Variants in TTYH1 observed in about 807,000 individuals in gnomAD.
The protein encoded by TTYH1 is protein tweety homolog 1.
TTYH1 carries 33 observed loss-of-function variants against 61.2 expected under a neutral mutation model. The observed-to-expected ratio is 0.54, with a 90% confidence interval of 0.41 to 0.72. The LOEUF is 0.72. TTYH1 is among the 30% of genes least tolerant of loss of function. The pLI, the probability that TTYH1 is intolerant of heterozygous loss-of-function variation, is 0.00. For synonymous variants in TTYH1, 308 were observed against 266.4 expected, an observed-to-expected ratio of 1.16 and a Z score of -1.52; for missense variants, 538 against 575.8, an observed-to-expected ratio of 0.93 and a Z score of 0.67.
chr19:54,416,898 G>T lies in TTYH1; in HGVS notation c.126+1220G>T. On this transcript the variant is annotated intron_variant, in intron 1 of 13. Transcript: ENST00000376530. This position sits in a 1 kb window ranked among gnomAD's most constrained non-coding sequence, Gnocchi z 7.0. Reference sequence around the variant, plus strand: ...GAGACCTCCCGAAGCCGCACGCGGGGATCCGCGGCCCCAGTCACCGCCAGA... The same window carrying T: ...GAGACCTCCCGAAGCCGCACGCGGGTATCCGCGGCCCCAGTCACCGCCAGA... 1 of 1,287,332 alleles carries T rather than the reference G, an allele frequency of 7.8e-7. No homozygotes were observed. Among genetic ancestry groups the T allele is most frequent in the Non-Finnish European group, 1.0e-6 (1 of 986,118 alleles). The allele number at this position is 1,287,332 out of a possible 1,614,324, so 79.7% of individuals were successfully genotyped here.
Position 54,416,093 on chromosome 19 carries a change from C to G in TTYH1, c.126+415C>G. 7.7e-7 allele frequency: 1 copy of G among 1,303,624 alleles called. No homozygotes were observed. The highest frequency in any genetic ancestry group is 1.0e-6 in the Non-Finnish European group (1 of 988,356). The allele number at this position is 1,303,624 out of a possible 1,614,324, so 80.8% of individuals were successfully genotyped here. On this transcript the variant is annotated intron_variant, in intron 1 of 13. Coordinates refer to ENST00000376530, the MANE Select transcript of TTYH1 (RefSeq NM_020659.4). The surrounding 1 kb of genome is among the most constrained non-coding windows in gnomAD (Gnocchi z 7.0). ...TGAATATGTCCCAGATAAGGTGGGA[C>G]CCAGGAGACAGCGGACCTGATAACG...
rs371318460 is a variant in TTYH1, at chr19:54,435,617, C to T, written c.1201C>T (p.Leu401=). Residue 401 remains leucine, a synonymous_variant, in exon 11 of 14, where the codon CTG becomes TTG. Transcript: ENST00000376530. ...GCTCTTCCTGCTACTCTTCTCCCTG[C>T]TGTCTGCAGGAGCGCTGGCCACTGC... ...GLLFLLLFSL[L]SAGALATALC... 8.1e-6 allele frequency: 13 copies of T among 1,611,990 alleles called. No individual in the cohort carries two copies. The African/African-American group carries it at 1.2e-4, about 15-fold the overall frequency.
chr19:54,426,128 C>T (rs184299282), intron 4 of TTYH1, among the ~76,000 whole-genome samples: 8 of 152,288 alleles, frequency 5.3e-5, no homozygotes, highest in East Asian at 3.9e-4. Flanking sequence ...GCAGCCCACT[C>T]GAGGCAATAT....
Position 54,429,534 on chromosome 19 carries a change from G to A in TTYH1, c.807+155G>A, listed in dbSNP as rs1248005720. Among the ~76,000 whole-genome samples the A allele has an allele frequency of 1.3e-5, 2 of 152,066 alleles. No individual in the cohort carries two copies. Among genetic ancestry groups the A allele is most frequent in the Admixed American group, 1.3e-4 (2 of 15,252 alleles). On this transcript the variant is annotated intron_variant, in intron 6 of 13. Transcript: ENST00000376530. The surrounding 1 kb of genome is among the most constrained non-coding windows in gnomAD (Gnocchi z 5.1). ...GGGCTTGTTTCCTGGGGCCTGAGTG[G>A]GTACAGATTGGTGTCCTGGACGTTT...
chr19:54,416,933 T>C lies in TTYH1; in HGVS notation c.126+1255T>C. 7.9e-7 allele frequency: 1 copy of C among 1,271,214 alleles called. No individual in the cohort carries two copies. Among genetic ancestry groups the C allele is most frequent in the Non-Finnish European group, 1.0e-6 (1 of 979,158 alleles). The allele number at this position is 1,271,214 out of a possible 1,614,324, so 78.7% of individuals were successfully genotyped here. A position where few individuals can be genotyped will look rare whatever the true frequency, so the allele number is the denominator to read the frequency against. On this transcript the variant is annotated intron_variant, in intron 1 of 13. Transcript: ENST00000376530. The surrounding 1 kb of genome is among the most constrained non-coding windows in gnomAD (Gnocchi z 7.0). ...CCCAGTCACCGCCAGAGGCACGGGT[T>C]TGGGGGAGCCTCACTCCGCCCCCAC...
At position 54,415,843 on chromosome 19, in the gene TTYH1, C is replaced by T. The variant is rs534993455; in HGVS notation, c.126+165C>T. On this transcript the variant is annotated intron_variant, in intron 1 of 13. Coordinates refer to ENST00000376530, the MANE Select transcript of TTYH1 (RefSeq NM_020659.4). This position sits in a 1 kb window ranked among gnomAD's most constrained non-coding sequence, Gnocchi z 5.2. ...GAGGAGGAGCCTGGGGGCGCCCATG[C>T]CTGGAGGTTCTCCTGGGACGCGCGC... 1.1e-3 allele frequency: 1,005 copies of T among 895,526 alleles called. 1 individual carries two copies. The highest frequency in any genetic ancestry group is 2.3e-3 in the South Asian group (114 of 49,530). 55.5% of individuals were successfully genotyped at this position (895,526 alleles called of 1,614,324 possible).
At position 54,416,863 on chromosome 19, in the gene TTYH1, C is replaced by T; in HGVS notation, c.126+1185C>T. 2 of 1,292,426 alleles carry T rather than the reference C, an allele frequency of 1.5e-6. No homozygotes were observed. Among genetic ancestry groups the T allele is most frequent in the Non-Finnish European group, 2.0e-6 (2 of 988,342 alleles). 80.1% of individuals were successfully genotyped at this position (1,292,426 alleles called of 1,614,324 possible). Reference sequence around the variant, plus strand: ...CGGCCTCGGCCCAGACTCACGCCCGCTCTGGCCCGGAGACCTCCCGAAGCC... The same window carrying T: ...CGGCCTCGGCCCAGACTCACGCCCGTTCTGGCCCGGAGACCTCCCGAAGCC... On this transcript the variant is annotated intron_variant, in intron 1 of 13. Coordinates refer to ENST00000376530, the MANE Select transcript of TTYH1 (RefSeq NM_020659.4). The surrounding 1 kb of genome is among the most constrained non-coding windows in gnomAD (Gnocchi z 7.0).
chr19:54,422,894 A>G (rs2083247314), intron 4 of TTYH1, among the ~76,000 whole-genome samples: 1 of 136,112 alleles, frequency 7.3e-6, no homozygotes. Context: ...TCACCATTGC[A>G]CTCCAGCCTG....
At chr19:54,431,241 C>G (rs79275620) in intron 10 of TTYH1, 50 bp downstream of exon 10, 293,323 of 1,352,796 alleles carry the variant, frequency 0.22, 33,222 homozygotes, top group Middle Eastern at 0.31. Flanking sequence ...GCCTCTGTCT[C>G]GACCCACAGA....
At chr19:54,417,593 A>G (rs1244847552) in intron 1 of TTYH1, among the ~76,000 whole-genome samples, 1 of 151,004 alleles carries the variant, frequency 6.6e-6, no homozygotes, top group Non-Finnish European at 1.5e-5. Context: ...CACATGTATA[A>G]GCATTTACTC....
rs1451519969 is a variant in TTYH1 at position 54,416,941 on chromosome 19, G to A, written c.126+1263G>A. ...CCGCCAGAGGCACGGGTTTGGGGGA[G>A]CCTCACTCCGCCCCCACGGTCGGGG... On this transcript the variant is annotated intron_variant, in intron 1 of 13. Coordinates refer to ENST00000376530, the MANE Select transcript of TTYH1 (RefSeq NM_020659.4). The surrounding 1 kb of genome is among the most constrained non-coding windows in gnomAD (Gnocchi z 7.0). The A allele has an allele frequency of 1.6e-6, 2 of 1,256,828 alleles. No homozygotes were observed. The highest frequency in any genetic ancestry group is 1.3e-5 in the South Asian group (1 of 76,572). The allele number at this position is 1,256,828 out of a possible 1,614,324, so 77.9% of individuals were successfully genotyped here.
At chr19:54,425,491 C>G (rs563066742) in intron 4 of TTYH1, among the ~76,000 whole-genome samples, 1 of 152,222 alleles carries the variant, frequency 6.6e-6, no homozygotes, top group Admixed American at 6.5e-5. Context: ...CTATTTTTGC[C>G]TAACTAGCAC....
Position 54,436,282 on chromosome 19 carries a change from G to C in TTYH1, c.*43-51G>C, listed in dbSNP as rs368678006. 3 of 1,612,136 alleles carry C rather than the reference G, an allele frequency of 1.9e-6. No individual in the cohort carries two copies. In the South Asian group the frequency reaches 3.3e-5, roughly 18 times the overall value. Reference sequence around the variant, plus strand: ...TGCCTCCTGCTGGGTGGATCGCACCGGGCAGGCCCTCCAGCCTGCATCACT... The same window carrying C: ...TGCCTCCTGCTGGGTGGATCGCACCCGGCAGGCCCTCCAGCCTGCATCACT... On this transcript the variant is annotated intron_variant, in intron 13 of 13. Coordinates refer to ENST00000376530, the MANE Select transcript of TTYH1 (RefSeq NM_020659.4). This position sits in a 1 kb window ranked among gnomAD's most constrained non-coding sequence, Gnocchi z 4.3.
chr19:54,417,203 C>T (rs2122846835), intron 1 of TTYH1, among the ~76,000 whole-genome samples: 1 of 151,534 alleles, frequency 6.6e-6, no homozygotes, highest in South Asian at 2.1e-4. Context: ...TATGCACAGG[C>T]ACACCCAGAC....
chr19:54,428,758 C>G (rs914183594), intron 5 of TTYH1, among the ~76,000 whole-genome samples: 31 of 152,182 alleles, frequency 2.0e-4, no homozygotes, highest in Non-Finnish European at 5.9e-5. Flanking sequence ...GACCCATAAA[C>G]CTAGCCAACA....
At chr19:54,433,654 C>T (rs868118229) in intron 10 of TTYH1, 11 of 150,126 alleles carry the variant, frequency 7.3e-5, no homozygotes, top group Admixed American at 2.7e-4. Flanking sequence ...GATCAGAACT[C>T]CTTGAGCTCA....
intron 4 of TTYH1, among the ~76,000 whole-genome samples, chr19:54,425,965 C>T (rs1260482460): frequency 6.6e-6 from 1 of 152,238 alleles, no homozygotes; most frequent in Non-Finnish European, 1.5e-5. Context: ...ATCCGCCTGC[C>T]TCAGCCTCCC....
rs1186757441 is a variant in TTYH1 at position 54,422,353 on chromosome 19, G to A, written c.581G>A (p.Gly194Glu). 6.3e-7 allele frequency: 1 copy of A among 1,575,730 alleles called. No individual in the cohort carries two copies. The highest frequency in any genetic ancestry group is 1.2e-5 in the South Asian group (1 of 85,882). ...QQLQGLAFWQ[G>E]VPLSPLQVAE... ...CTGCAGGGGCTGGCCTTCTGGCAGG[G>A]AGTGCCCCTGAGCCCCCTGCAGGTG... The change falls in exon 4 of 14, where the codon GGA becomes GAA. Residue 194 changes from glycine to glutamate, a missense_variant. Coordinates refer to ENST00000376530, the MANE Select transcript of TTYH1 (RefSeq NM_020659.4).
rs1467563541 is a variant in TTYH1, at chr19:54,415,627, G to C, written c.75G>C (p.Gln25His). 1 of 1,566,364 alleles carries C rather than the reference G, an allele frequency of 6.4e-7. No homozygotes were observed. ...ACCAGCTGCCCCGCGCCGACTTCCA[G>C]CTCCGCCCGGTGCCCAGCGTTTTCG... ...LLHQLPRADF[Q>H]LRPVPSVFAP... The change falls in exon 1 of 14, where the codon CAG (glutamine) becomes CAC (histidine). Residue 25 changes from glutamine (Q) to histidine (H), a missense_variant. Physicochemically the swap from Gln to His is conservative, Grantham distance 24 (BLOSUM62 0). Coordinates refer to ENST00000376530, the MANE Select transcript of TTYH1 (RefSeq NM_020659.4). This position sits in a 1 kb window ranked among gnomAD's most constrained non-coding sequence, Gnocchi z 5.2.
Sources: gnomAD v4.1 joint callset for allele counts (sites outside exome capture counted in the v4.1 genomes callset) on GRCh38, gnomAD v4.1.1 for gene constraint, Gnocchi (gnomAD v3.1) non-coding constraint, MANE v1.5 for transcripts, NCBI Gene and HGNC (gene_info 2026-07-23, HGNC 2026-07-21) for gene names.